DISC1: variants seen among roughly 807,000 people sequenced by gnomAD.
DISC1 encodes DISC1 scaffold protein.
In DISC1, 57 loss-of-function variants were observed where a neutral mutation model predicts 84.5. That is an observed-to-expected ratio of 0.67 (90% confidence interval 0.55 to 0.84). The LOEUF (loss-of-function observed/expected upper bound fraction) is 0.84, where lower values mean the gene tolerates loss of function less well. Among genes scored for constraint, DISC1 ranks in the 40% least tolerant of loss-of-function variants. The pLI, the probability that DISC1 is intolerant of heterozygous loss-of-function variation, is 0.00. For missense variants in DISC1, 1,000 were observed against 1,057.8 expected, an observed-to-expected ratio of 0.95 and a Z score of 0.76; for synonymous variants, 411 against 415.2, an observed-to-expected ratio of 0.99 and a Z score of 0.12.
chr1:231,971,842 A>G (rs144628557), intron 10 of DISC1, among the ~76,000 whole-genome samples: 1 of 152,338 alleles, frequency 6.6e-6, no homozygotes, highest in Admixed American at 6.5e-5. Context: ...TCACAAAAGC[A>G]GGGACTTTCA....
chr1:231,871,002 T>C (rs1229144255), intron 9 of DISC1, among the ~76,000 whole-genome samples: 1 of 152,180 alleles, frequency 6.6e-6, no homozygotes, highest in South Asian at 2.1e-4. Flanking sequence ...TTTTTCTTCT[T>C]ACAGCTATTG....
At chr1:231,988,637 C>T (rs1664785677) in intron 10 of DISC1, among the ~76,000 whole-genome samples, 1 of 152,202 alleles carries the variant, frequency 6.6e-6, no homozygotes, top group South Asian at 2.1e-4. Flanking sequence ...ATCAAATTTG[C>T]TGTCCCCTTG....
chr1:231,794,533 G>T (rs1311339467), intron 6 of DISC1, among the ~76,000 whole-genome samples: 2 of 152,152 alleles, frequency 1.3e-5, no homozygotes, highest in East Asian at 3.9e-4. Flanking sequence ...ACTCTTAATT[G>T]CATTGATTCA....
At chr1:231,682,456 A>G (rs2063788408) in intron 1 of DISC1, among the ~76,000 whole-genome samples, 1 of 152,172 alleles carries the variant, frequency 6.6e-6, no homozygotes. Context: ...TGTGCCAGGC[A>G]TGGTATAGCA....
intron 8 of DISC1, among the ~76,000 whole-genome samples, chr1:231,810,286 C>T (rs754100651): frequency 4.6e-5 from 7 of 152,132 alleles, no homozygotes; most frequent in African/African-American, 1.2e-4. Context: ...GAAACAGTGA[C>T]GATGGTCCAG....
chr1:231,832,493 T>TA lies in DISC1; in HGVS notation c.1981+13977dup, dbSNP rs575391559. 1.5e-3 allele frequency among the ~76,000 whole-genome samples: 225 copies of TA among 152,200 alleles called. 3 individuals are homozygous for TA. The highest frequency in any genetic ancestry group is 5.1e-3 in the African/African-American group (212 of 41,520). On this transcript the variant is annotated intron_variant, in intron 9 of 12. Coordinates refer to ENST00000439617, the MANE Select transcript of DISC1 (RefSeq NM_018662.3). ...TCAGCAGGGAGAGCATGTGTGTTTT[T>TA]ATGAGAATTATGCCGAGATAGGTAA...
intron 9 of DISC1, among the ~76,000 whole-genome samples, chr1:231,851,653 G>A (rs1371781006): frequency 2.0e-5 from 3 of 152,142 alleles, no homozygotes; most frequent in Non-Finnish European, 4.4e-5. Context: ...GGGGAGAGGA[G>A]TTGGCCGTGA....
intron 9 of DISC1, among the ~76,000 whole-genome samples, chr1:231,866,245 T>G (rs966240874): frequency 5.9e-5 from 9 of 152,058 alleles, no homozygotes; most frequent in African/African-American, 9.7e-5. Flanking sequence ...ACCCGGGCCC[T>G]AGAGAACCAG....
At position 232,021,333 on chromosome 1, in the gene DISC1, TACACACACACACACACACAC is replaced by T. The variant is rs36231584; in HGVS notation, c.2308-5080_2308-5061del. ...GGAAATTTTTACTGTACTTGTTCTA[TACACACACACACACACACAC>T]ACACACACACACACACACACAACCC... On this transcript the variant is annotated intron_variant, in intron 11 of 12. Transcript: ENST00000439617. 8.4e-3 allele frequency among the ~76,000 whole-genome samples: 1,245 copies of T among 148,240 alleles called. 16 individuals carry two copies. Among genetic ancestry groups the T allele is most frequent in the African/African-American group, 0.029 (1,168 of 40,320 alleles).
chr1:231,680,416 G>A (rs59713718), intron 1 of DISC1, among the ~76,000 whole-genome samples: 5,060 of 152,188 alleles, frequency 0.033, 265 homozygotes, highest in African/African-American at 0.12. Context: ...ACCTGCCCCC[G>A]TGCATATAGC....
intron 10 of DISC1, among the ~76,000 whole-genome samples, chr1:232,005,038 C>G (rs868247397): frequency 7.7e-5 from 8 of 104,060 alleles, no homozygotes; most frequent in African/African-American, 1.6e-4. Flanking sequence ...CACTCCCTCC[C>G]TCCATCCTTC....
intron 10 of DISC1, among the ~76,000 whole-genome samples, chr1:232,003,802 G>A (rs1041602089): frequency 1.1e-4 from 16 of 151,822 alleles, no homozygotes; most frequent in South Asian, 6.2e-4. Context: ...ATTTAGAAAC[G>A]AAAAAACATA....
intron 1 of DISC1, among the ~76,000 whole-genome samples, chr1:231,658,314 T>G (rs776086894): frequency 1.8e-4 from 28 of 152,192 alleles, no homozygotes; most frequent in Non-Finnish European, 3.1e-4. Context: ...TGCTAGCAAT[T>G]TTTGCACATT....
At chr1:232,007,969 G>A (rs547735041) in intron 10 of DISC1, among the ~76,000 whole-genome samples, 9 of 152,236 alleles carry the variant, frequency 5.9e-5, no homozygotes, top group African/African-American at 9.6e-5. Context: ...TTCCCCCTGC[G>A]TTCTGCACTT....
chr1:231,780,418 A>G (rs2125525072), intron 6 of DISC1, among the ~76,000 whole-genome samples: 1 of 152,144 alleles, frequency 6.6e-6, no homozygotes, highest in South Asian at 2.1e-4. Context: ...AATGCTCACC[A>G]TCACTGGCCA....
chr1:231,870,988 C>CA (rs11435204), intron 9 of DISC1, among the ~76,000 whole-genome samples: 136,442 of 152,146 alleles, frequency 0.9, 61,268 homozygotes, highest in East Asian at 1. Flanking sequence ...AATATGTACC[C>CA]GCATTTTTCT....
At chr1:231,734,001 G>A (rs2125212248) in intron 3 of DISC1, among the ~76,000 whole-genome samples, 1 of 151,826 alleles carries the variant, frequency 6.6e-6, no homozygotes, top group South Asian at 2.1e-4. Context: ...CTGACTGGTG[G>A]TGGTGGTGGC....
chr1:232,001,268 G>A (rs1321485855), intron 10 of DISC1, among the ~76,000 whole-genome samples: 2 of 151,922 alleles, frequency 1.3e-5, no homozygotes, highest in African/African-American at 2.4e-5. Flanking sequence ...TAGTAGAGAT[G>A]GGGTTTCACC....
At chr1:231,642,366 C>A (rs984601527) in intron 1 of DISC1, among the ~76,000 whole-genome samples, 17 of 152,234 alleles carry the variant, frequency 1.1e-4, no homozygotes, top group Non-Finnish European at 1.9e-4. Context: ...AGTGCAGCGG[C>A]GGGCGGAAGG....
Sources: allele counts gnomAD v4.1 joint callset (sites outside exome capture counted in the v4.1 genomes callset), GRCh38; gene constraint gnomAD v4.1.1; transcripts MANE v1.5; gene names NCBI Gene and HGNC (gene_info 2026-07-23, HGNC 2026-07-21).